Variants in HS3ST5 observed in about 807,000 individuals in gnomAD.
HS3ST5 encodes the protein heparan sulfate-glucosamine 3-sulfotransferase 5.
A neutral mutation model predicts 25.4 loss-of-function variants in HS3ST5; 10 were observed. The observed-to-expected ratio is 0.39, with a 90% confidence interval of 0.24 to 0.67. The LOEUF (loss-of-function observed/expected upper bound fraction) is 0.67. Ranked by LOEUF, HS3ST5 falls within the 30% of genes least tolerant of loss-of-function variation. HS3ST5 has a pLI of 0.44. For synonymous variants in HS3ST5, 170 were observed against 162.4 expected (o/e 1.05, Z -0.36); for missense variants, 324 against 420.7 (o/e 0.77, Z 2.01).
At chr6:114,246,369 T>G (rs776115390) in intron 1 of HS3ST5, among the ~76,000 whole-genome samples, 1 of 152,212 alleles carries the variant, frequency 6.6e-6, no homozygotes, top group Non-Finnish European at 1.5e-5. Flanking sequence ...CACAGTGTTT[T>G]TTTGAGGATC....
intron 1 of HS3ST5, among the ~76,000 whole-genome samples, chr6:114,237,475 C>T (rs1389257505): frequency 1.3e-5 from 2 of 151,938 alleles, no homozygotes; most frequent in African/African-American, 2.4e-5. Context: ...TGGATTAAAC[C>T]AGAGGTTTTT....
At chr6:114,147,453 C>T (rs1317417179) in intron 3 of HS3ST5, among the ~76,000 whole-genome samples, 2 of 152,168 alleles carry the variant, frequency 1.3e-5, no homozygotes, top group East Asian at 3.9e-4. Flanking sequence ...CTCACTTCAA[C>T]CATGAAGATG....
intron 1 of HS3ST5, among the ~76,000 whole-genome samples, chr6:114,285,716 C>T (rs1197171887): frequency 6.6e-6 from 1 of 151,920 alleles, no homozygotes; most frequent in African/African-American, 2.4e-5. Flanking sequence ...AATAGCTATG[C>T]ATGGAGGGCT....
chr6:114,338,290 G>GTATATATACATACACATTGTGTA (rs1302748693), intron 1 of HS3ST5, among the ~76,000 whole-genome samples: 2 of 130,626 alleles, frequency 1.5e-5, no homozygotes, highest in African/African-American at 5.1e-5. Context: ...TATGTACAAT[G>GTATATATACATACACATTGTGTA]TATATATACA....
At chr6:114,265,524 G>A (rs1773369036) in intron 1 of HS3ST5, among the ~76,000 whole-genome samples, 1 of 152,122 alleles carries the variant, frequency 6.6e-6, no homozygotes, top group African/African-American at 2.4e-5. Flanking sequence ...AGCTCACTAT[G>A]ATGGCAATAA....
chr6:114,084,703 GA>G, intron 3 of HS3ST5: 1 of 1,265,644 alleles, frequency 7.9e-7, no homozygotes, highest in Non-Finnish European at 1.1e-6. Flanking sequence ...GTGGCTCCTG[GA>G]AGGCTGCCTG....
chr6:114,226,755 G>T (rs1439050886), intron 2 of HS3ST5, among the ~76,000 whole-genome samples: 1 of 151,924 alleles, frequency 6.6e-6, no homozygotes, highest in Non-Finnish European at 1.5e-5. Flanking sequence ...AAACTACATT[G>T]TAAGTTTTCT....
chr6:114,220,425 G>A (rs150586233), intron 2 of HS3ST5, among the ~76,000 whole-genome samples: 21 of 152,056 alleles, frequency 1.4e-4, no homozygotes, highest in African/African-American at 4.6e-4. Flanking sequence ...AGTGAGTTAT[G>A]TAATTTTCCC....
chr6:114,229,356 G>A (rs1582738853), intron 1 of HS3ST5, among the ~76,000 whole-genome samples: 1 of 152,276 alleles, frequency 6.6e-6, no homozygotes, highest in East Asian at 1.9e-4. Context: ...GATAGAAAAA[G>A]AGAAGAAAAC....
At chr6:114,279,448 G>A (rs1774007129) in intron 1 of HS3ST5, among the ~76,000 whole-genome samples, 1 of 152,040 alleles carries the variant, frequency 6.6e-6, no homozygotes, top group Non-Finnish European at 1.5e-5. Context: ...TGTGCTTTAT[G>A]TGTTATACAC....
chr6:114,247,039 A>G (rs369971725), intron 1 of HS3ST5, among the ~76,000 whole-genome samples: 5 of 152,350 alleles, frequency 3.3e-5, no homozygotes, highest in African/African-American at 7.2e-5. Context: ...TTTCTTTTCA[A>G]TGAAAGTTCC....
chr6:114,103,592 A>AT (rs914399706), intron 3 of HS3ST5, among the ~76,000 whole-genome samples: 44 of 148,342 alleles, frequency 3.0e-4, no homozygotes, highest in Non-Finnish European at 2.8e-4. Context: ...TTTTAAATTA[A>AT]TTTTTTTTTT....
At chr6:114,164,323 G>A (rs1779109178) in intron 3 of HS3ST5, among the ~76,000 whole-genome samples, 4 of 152,108 alleles carry the variant, frequency 2.6e-5, no homozygotes, top group African/African-American at 9.7e-5. Flanking sequence ...GTGTGACTGT[G>A]ATCATTATTC....
Position 114,265,233 on chromosome 6 carries a change from C to T in HS3ST5, c.-338-36455G>A, listed in dbSNP as rs1203149902. On this transcript the variant is annotated intron_variant, in intron 1 of 4. Transcript: ENST00000312719. ...AGGGTGCCAAAAGATTATGGTGTCA[C>T]AAGAGAAGAGAATGTATCAAAATGG... is the stretch of plus-strand genomic sequence containing the variant. Among the ~76,000 whole-genome samples the T allele has an allele frequency of 2.6e-5, 4 of 151,952 alleles. No homozygotes were observed. The South Asian group carries it at 8.3e-4, about 32-fold the overall frequency.
chr6:114,184,485 A>G (rs544549482), intron 2 of HS3ST5, among the ~76,000 whole-genome samples: 1 of 152,328 alleles, frequency 6.6e-6, no homozygotes, highest in East Asian at 1.9e-4. Flanking sequence ...GAACTAAAAG[A>G]GAAAGAGATG....
At chr6:114,084,837 T>C (rs532234390) in intron 3 of HS3ST5, 6 of 566,150 alleles carry the variant, frequency 1.1e-5, no homozygotes, top group South Asian at 3.9e-5. Context: ...TCTTTTCTTT[T>C]TTTTTTTTTT....
intron 3 of HS3ST5, chr6:114,131,179 A>T (rs1777313692): frequency 6.6e-6 from 1 of 152,214 alleles, no homozygotes; most frequent in South Asian, 2.1e-4. Context: ...TGGAGGTGGA[A>T]CCATTTTAAT....
chr6:114,145,718 G>A (rs1167611716), intron 3 of HS3ST5, among the ~76,000 whole-genome samples: 7 of 152,164 alleles, frequency 4.6e-5, no homozygotes, highest in Non-Finnish European at 7.4e-5. Context: ...GAGCTGCTGC[G>A]AACTGCAGTG....
chr6:114,062,956 A>C, intron 3 of HS3ST5, 79 bp from the exon 4 acceptor site: 1 of 743,478 alleles, frequency 1.3e-6, no homozygotes, highest in African/African-American at 1.8e-5. Flanking sequence ...GGTGGAAGAC[A>C]GGTGATAAGT....
Sources: allele counts gnomAD v4.1 joint callset (sites outside exome capture counted in the v4.1 genomes callset), GRCh38; gene constraint gnomAD v4.1.1; transcripts MANE v1.5; gene names NCBI Gene and HGNC (gene_info 2026-07-23, HGNC 2026-07-21).